MICAL3: variants seen among roughly 807,000 people sequenced by gnomAD.
MICAL3 encodes the protein [F-actin]-monooxygenase MICAL3.
Under a neutral mutation model 207.4 loss-of-function variants are expected in MICAL3, and 62 were observed. The ratio of observed to expected loss-of-function variants is 0.30; its 90% CI spans 0.24 to 0.37. The LOEUF (loss-of-function observed/expected upper bound fraction) is 0.37. Ranked by LOEUF, MICAL3 falls within the 10% of genes least tolerant of loss-of-function variation. The pLI is 1.00. For synonymous variants in MICAL3, 1,077 were observed against 1,069.3 expected (o/e 1.01, Z -0.14); for missense variants, 2,368 against 2,635.6 (o/e 0.90, Z 2.22).
intron 1 of MICAL3, among the ~76,000 whole-genome samples, chr22:17,924,585 C>T (rs567220782): frequency 5.9e-4 from 90 of 152,204 alleles, no homozygotes; most frequent in Admixed American, 1.7e-3. Context: ...ATTAGGGATG[C>T]TCAACTGGTA....
intron 1 of MICAL3, among the ~76,000 whole-genome samples, chr22:18,022,425 C>CA (rs1310154019): frequency 2.0e-5 from 3 of 151,732 alleles, no homozygotes; most frequent in Admixed American, 1.3e-4. Flanking sequence ...GACCTGCACC[C>CA]CCACCCTTTT....
In MICAL3 at chr22:17,833,881, G is replaced by A. The variant is rs187446456; in HGVS notation, c.2802-1774C>T. On this transcript the variant is annotated intron_variant, in intron 20 of 31. Coordinates refer to ENST00000441493, the MANE Select transcript of MICAL3 (RefSeq NM_015241.3). ...AGACCAAGAGAGTACAGCTGTCCTG[G>A]CCCCACAGTGAGCACAATGGAAGCT... is the stretch of plus-strand genomic sequence containing the variant. Among the ~76,000 whole-genome samples the A allele has an allele frequency of 5.8e-4, 89 of 152,188 alleles. 1 individual carries two copies. In the Middle Eastern group the frequency reaches 0.01, roughly 17 times the overall value.
chr22:17,967,494 C>A (rs5747436), intron 1 of MICAL3, among the ~76,000 whole-genome samples: 2,414 of 84,450 alleles, frequency 0.029, 32 homozygotes, highest in African/African-American at 0.057. Context: ...ACACACACAC[C>A]CACACACACC....
Position 17,818,818 on chromosome 22 carries a change from G to A in MICAL3, c.3843C>T (p.Arg1281=). ...ATGTTTTGGCCGGGGCAGGCTGGAAGCGTATGGGGGACTGGGTAGGGGATG... is the reference window on the plus strand; with the variant it reads ...ATGTTTTGGCCGGGGCAGGCTGGAAACGTATGGGGGACTGGGTAGGGGATG... The part of the protein sequence containing the change: ...TVPSPTQSPI[R]FQPAPAKTST... The change falls in exon 26 of 32, where the codon CGC becomes CGT. Residue 1281 remains arginine (R), a synonymous_variant. Coordinates refer to ENST00000441493, the MANE Select transcript of MICAL3 (RefSeq NM_015241.3). 1 of 1,561,062 alleles carries A rather than the reference G, an allele frequency of 6.4e-7. No individual in the cohort carries two copies. Among genetic ancestry groups the A allele is most frequent in the Non-Finnish European group, 8.7e-7 (1 of 1,149,762 alleles).
intron 1 of MICAL3, among the ~76,000 whole-genome samples, chr22:18,014,798 C>T (rs1923950520): frequency 6.6e-6 from 1 of 151,994 alleles, no homozygotes; most frequent in African/African-American, 2.4e-5. Flanking sequence ...TCGAGACCAT[C>T]CTAGCTAACA....
At chr22:17,936,605 AACAG>A (rs1304277075) in intron 1 of MICAL3, among the ~76,000 whole-genome samples, 6 of 152,042 alleles carry the variant, frequency 3.9e-5, no homozygotes, top group African/African-American at 1.2e-4. Flanking sequence ...TTTCTGAGAT[AACAG>A]AAAGAGTTTA....
intron 1 of MICAL3, among the ~76,000 whole-genome samples, chr22:17,914,119 C>T (rs996031550): frequency 6.6e-6 from 1 of 152,162 alleles, no homozygotes; most frequent in Non-Finnish European, 1.5e-5. Flanking sequence ...GCAATGAAAG[C>T]GCATACTCAG....
intron 17 of MICAL3, among the ~76,000 whole-genome samples, chr22:17,870,278 A>G (rs1055443440): frequency 2.0e-5 from 3 of 152,038 alleles, no homozygotes; most frequent in Non-Finnish European, 4.4e-5. Context: ...CTTCTCTCTC[A>G]AAGTCTAGCC....
intron 1 of MICAL3, among the ~76,000 whole-genome samples, chr22:17,953,920 G>A (rs1477697564): frequency 1.2e-5 from 1 of 84,734 alleles, no homozygotes; most frequent in Non-Finnish European, 2.3e-5. Context: ...GACAGAGTAA[G>A]ACTCCATCTC....
At chr22:17,861,801 T>C (rs1023731164) in intron 19 of MICAL3, 72 of 985,124 alleles carry the variant, frequency 7.3e-5, no homozygotes, top group Middle Eastern at 1.0e-3. Flanking sequence ...ACAGAAATAC[T>C]GTAAACAATG....
intron 1 of MICAL3, among the ~76,000 whole-genome samples, chr22:17,919,444 G>T (rs532562006): frequency 6.6e-6 from 1 of 152,170 alleles, no homozygotes; most frequent in Non-Finnish European, 1.5e-5. Flanking sequence ...TCACTGTTGC[G>T]TCCTTGCACC....
intron 16 of MICAL3, among the ~76,000 whole-genome samples, chr22:17,880,920 C>T (rs548661747): frequency 6.6e-6 from 1 of 152,312 alleles, no homozygotes; most frequent in East Asian, 1.9e-4. Context: ...GCTCCTGGGC[C>T]TCGGATGCAC....
chr22:17,893,975 G>A, intron 10 of MICAL3, 71 bp from the exon 11 acceptor site: 1 of 1,149,812 alleles, frequency 8.7e-7, no homozygotes, highest in Non-Finnish European at 1.3e-6. Context: ...CCTAAGAGCA[G>A]AATGGCTGAA....
chr22:18,008,995 T>C (rs2146500996), intron 1 of MICAL3, among the ~76,000 whole-genome samples: 1 of 152,352 alleles, frequency 6.6e-6, no homozygotes. Context: ...TCTCACAATA[T>C]AATGGTTCAA....
intron 1 of MICAL3, among the ~76,000 whole-genome samples, chr22:18,018,930 G>A (rs7285374): frequency 0.081 from 12,372 of 151,960 alleles, 672 homozygotes; most frequent in African/African-American, 0.14. Flanking sequence ...AGTGGCTCAC[G>A]CCTATAATAC....
intron 16 of MICAL3, chr22:17,884,202 C>A (rs1929668427): frequency 5.8e-6 from 6 of 1,035,758 alleles, no homozygotes; most frequent in Non-Finnish European, 8.5e-6. Context: ...GGCCTGAACC[C>A]TGGCTGGCTC....
intron 1 of MICAL3, among the ~76,000 whole-genome samples, chr22:17,991,283 CA>C (rs1275454464): frequency 7.9e-5 from 12 of 152,216 alleles, no homozygotes; most frequent in African/African-American, 2.4e-4. Context: ...GAGGGGCAGG[CA>C]GGTGAAAGTG....
chr22:17,917,117 G>A (rs889679006), intron 1 of MICAL3, among the ~76,000 whole-genome samples: 6 of 152,120 alleles, frequency 3.9e-5, no homozygotes, highest in African/African-American at 1.4e-4. Flanking sequence ...TGTGAAAGCT[G>A]TGCCCTGGAG....
chr22:17,894,460 C>T lies in MICAL3; in HGVS notation c.1450-556G>A, dbSNP rs1158351336. ...TAGTTACTCGGTCATGGAGGTCCCT[C>T]TAAGAGTCTCGGTTGGACTACTAAT... On this transcript the variant is annotated intron_variant, in intron 10 of 31. Transcript: ENST00000441493. Among the ~76,000 whole-genome samples, 13 of 151,176 alleles carry T rather than the reference C, an allele frequency of 8.6e-5. No individual in the cohort carries two copies. The South Asian group carries it at 1.3e-3, about 15-fold the overall frequency.
Sources: allele counts gnomAD v4.1 joint callset (sites outside exome capture counted in the v4.1 genomes callset), GRCh38; gene constraint gnomAD v4.1.1; transcripts MANE v1.5; gene names NCBI Gene and HGNC (gene_info 2026-07-23, HGNC 2026-07-21).